SLIT2: variants seen among roughly 807,000 people sequenced by gnomAD.
SLIT2 encodes the protein slit homolog 2 protein.
SLIT2 carries 41 observed loss-of-function variants against 185.7 expected under a neutral mutation model. That is an observed-to-expected ratio of 0.22 (90% CI 0.17 to 0.29). The LOEUF (loss-of-function observed/expected upper bound fraction) is 0.29. SLIT2 is among the 10% of genes least tolerant of loss of function. SLIT2 has a pLI of 1.00. For missense variants in SLIT2, 1,571 were observed against 1,909.0 expected, an observed-to-expected ratio of 0.82 and a Z score of 3.30; for synonymous variants, 693 against 680.2, an observed-to-expected ratio of 1.02 and a Z score of -0.29.
Position 20,374,729 on chromosome 4 carries a change from C to T in SLIT2, c.396-93023C>T, listed in dbSNP as rs1723876721. ...TGCTTTGTCACTTATTTTCCTGTTT[C>T]TTCTGCAGCAGTAAACAGGAAATGC... On this transcript the variant is annotated intron_variant, in intron 4 of 36. Transcript: ENST00000504154. Among the ~76,000 whole-genome samples the T allele has an allele frequency of 3.3e-5, 5 of 151,758 alleles. No homozygotes were observed. The South Asian group carries it at 8.3e-4, about 25-fold the overall frequency.
rs1321962254 is a variant in SLIT2 at position 20,253,515 on chromosome 4, G to T, written c.-301G>T. ...TTCATCCTTGGGAGACAGAAGACGCGTGATCTCCTCTCCGCTGCTCTTGGG... is the reference window on the plus strand; with the variant it reads ...TTCATCCTTGGGAGACAGAAGACGCTTGATCTCCTCTCCGCTGCTCTTGGG... On this transcript the variant is annotated 5_prime_UTR_variant, in exon 1 of 37. Coordinates refer to ENST00000504154, the MANE Select transcript of SLIT2 (RefSeq NM_004787.4). 7.6e-6 allele frequency: 3 copies of T among 394,438 alleles called. No individual in the cohort carries two copies. The highest frequency in any genetic ancestry group is 1.4e-5 in the Non-Finnish European group (3 of 218,912). 24.4% of individuals were successfully genotyped at this position (394,438 alleles called of 1,614,324 possible).
chr4:20,291,456 A>G (rs1236623473), intron 4 of SLIT2, among the ~76,000 whole-genome samples: 1 of 32,702 alleles, frequency 3.1e-5, no homozygotes, highest in Non-Finnish European at 5.3e-5. Context: ...TCATATATAT[A>G]TATATATATA....
At chr4:20,581,221 T>C (rs538673227) in intron 29 of SLIT2, among the ~76,000 whole-genome samples, 6 of 152,302 alleles carry the variant, frequency 3.9e-5, no homozygotes, top group African/African-American at 1.4e-4. Flanking sequence ...CTCCCTGTTT[T>C]TCATATCATC....
intron 3 of SLIT2, among the ~76,000 whole-genome samples, chr4:20,259,032 A>G (rs1038964745): frequency 2.0e-5 from 3 of 151,702 alleles, no homozygotes; most frequent in Non-Finnish European, 4.4e-5. Flanking sequence ...CACCTCAAGT[A>G]AAACACAGAA....
At chr4:20,342,754 C>A (rs7694984) in intron 4 of SLIT2, among the ~76,000 whole-genome samples, 1 of 117,112 alleles carries the variant, frequency 8.5e-6, no homozygotes, top group Non-Finnish European at 1.6e-5. Flanking sequence ...CACAAATACA[C>A]GTTCTAATGT....
chr4:20,533,702 A>C lies in SLIT2; in HGVS notation c.1819A>C (p.Ser607Arg). 3 of 1,611,886 alleles carry C rather than the reference A, an allele frequency of 1.9e-6. No individual in the cohort carries two copies. Among genetic ancestry groups the C allele is most frequent in the Non-Finnish European group, 2.5e-6 (3 of 1,179,416 alleles). Residue 607 changes from serine (S) to arginine (R), a missense_variant, in exon 18 of 37, where the codon AGC becomes CGC. Around this residue, in one of 3 missense-constraint regions of SLIT2, gnomAD observed 1,202 missense variants for 1,416.4 expected, o/e 0.85. Coordinates refer to ENST00000504154, the MANE Select transcript of SLIT2 (RefSeq NM_004787.4). ...VQHKMFKGLE[S>R]LKTLMLRSNR... is the part of the protein sequence containing the mutation. ...GCATAAGATGTTCAAGGGATTGGAAAGCCTCAAAACTTTGTAAGTATTTGT... is the reference window on the plus strand; with the variant it reads ...GCATAAGATGTTCAAGGGATTGGAACGCCTCAAAACTTTGTAAGTATTTGT...
At chr4:20,416,666 T>C (rs538293748) in intron 4 of SLIT2, among the ~76,000 whole-genome samples, 5 of 152,284 alleles carry the variant, frequency 3.3e-5, no homozygotes, top group African/African-American at 1.2e-4. Flanking sequence ...GTGCTTACTC[T>C]GGTGTGCTTT....
rs1321041902 is a variant in SLIT2 at position 20,604,556 on chromosome 4, C to T, written c.3693-5457C>T. Among the ~76,000 whole-genome samples the T allele has an allele frequency of 4.6e-5, 7 of 152,176 alleles. No individual in the cohort carries two copies. In the East Asian group the frequency reaches 1.4e-3, roughly 30 times the overall value. On this transcript the variant is annotated intron_variant, in intron 33 of 36. Transcript: ENST00000504154. ...TAGAGATGGGGTTTCACCATGTTAG[C>T]CAGGATGGTCTCCATTTCCTGACCT...
intron 4 of SLIT2, among the ~76,000 whole-genome samples, chr4:20,292,017 CTATGGCTGAGA>C (rs1221598271): frequency 6.6e-6 from 1 of 151,904 alleles, no homozygotes; most frequent in Non-Finnish European, 1.5e-5. Context: ...TATGGCTGGA[CTATGGCTGAGA>C]TTTGTCTTCA....
chr4:20,596,649 A>G lies in SLIT2; in HGVS notation c.3555A>G (p.Thr1185=), dbSNP rs954853419. 1 of 1,612,174 alleles carries G rather than the reference A, an allele frequency of 6.2e-7. No individual in the cohort carries two copies. The highest frequency in any genetic ancestry group is 1.1e-5 in the South Asian group (1 of 91,036). ...SAKVRPQTNI[T]LQIATDEDSG... is the part of the protein sequence containing the mutation. The stretch of plus-strand genomic sequence containing the variant: ...AGGTTCGGCCTCAGACGAACATAAC[A>G]CTTCAGGTAAGAGATCTCTCTCTAT... Residue 1185 remains threonine (T), a synonymous_variant, in exon 32 of 37, where the codon ACA becomes ACG. Coordinates refer to ENST00000504154, the MANE Select transcript of SLIT2 (RefSeq NM_004787.4).
At chr4:20,568,218 A>G (rs1725265179) in intron 28 of SLIT2, among the ~76,000 whole-genome samples, 1 of 152,114 alleles carries the variant, frequency 6.6e-6, no homozygotes, top group Non-Finnish European at 1.5e-5. Flanking sequence ...ACTTGTTAGA[A>G]TTTCACTTTT....
intron 4 of SLIT2, among the ~76,000 whole-genome samples, chr4:20,346,206 G>T (rs1721397556): frequency 6.6e-6 from 1 of 152,050 alleles, no homozygotes; most frequent in Non-Finnish European, 1.5e-5. Context: ...CTCTTGTCCA[G>T]GCTGGTCTCC....
intron 11 of SLIT2, among the ~76,000 whole-genome samples, chr4:20,518,250 TA>T (rs1478431805): frequency 9.7e-6 from 1 of 102,684 alleles, no homozygotes; most frequent in Non-Finnish European, 2.0e-5. Flanking sequence ...TATATATATA[TA>T]TATATTTTTT....
At chr4:20,417,436 G>GTATATATATATATA (rs367855245) in intron 4 of SLIT2, among the ~76,000 whole-genome samples, 1,269 of 123,606 alleles carry the variant, frequency 0.01, 17 homozygotes, top group Non-Finnish European at 0.017. Context: ...ATGTGTGTGT[G>GTATATATATATATA]TATATATATA....
At chr4:20,256,468 T>C (rs569662372) in intron 1 of SLIT2, among the ~76,000 whole-genome samples, 1 of 152,332 alleles carries the variant, frequency 6.6e-6, no homozygotes, top group African/African-American at 2.4e-5. Context: ...TTTCTTGTCA[T>C]ATGCCAGCAA....
intron 26 of SLIT2, among the ~76,000 whole-genome samples, chr4:20,556,626 A>C (rs1381944281): frequency 6.6e-6 from 1 of 151,982 alleles, no homozygotes; most frequent in Non-Finnish European, 1.5e-5. Context: ...GAGACCCAAC[A>C]ATACTGAAAT....
At chr4:20,383,518 C>A (rs1724696154) in intron 4 of SLIT2, among the ~76,000 whole-genome samples, 1 of 152,046 alleles carries the variant, frequency 6.6e-6, no homozygotes, top group Non-Finnish European at 1.5e-5. Context: ...AATGATATAC[C>A]ACTAAGCACA....
intron 4 of SLIT2, among the ~76,000 whole-genome samples, chr4:20,273,139 A>G (rs529995296): frequency 6.6e-6 from 1 of 152,252 alleles, no homozygotes; most frequent in African/African-American, 2.4e-5. Context: ...CATAACAAAT[A>G]TATATAATTA....
rs576595197 is a variant in SLIT2 at position 20,604,561 on chromosome 4, A to G, written c.3693-5452A>G. On this transcript the variant is annotated intron_variant, in intron 33 of 36. Transcript: ENST00000504154. ...ATGGGGTTTCACCATGTTAGCCAGG[A>G]TGGTCTCCATTTCCTGACCTTGTGA... is the stretch of plus-strand genomic sequence containing the variant. Among the ~76,000 whole-genome samples, 4 of 152,092 alleles carry G rather than the reference A, an allele frequency of 2.6e-5. No individual in the cohort carries two copies. In the South Asian group the frequency reaches 8.3e-4, roughly 32 times the overall value.
Sources: allele counts gnomAD v4.1 joint callset (sites outside exome capture counted in the v4.1 genomes callset), GRCh38; gene constraint gnomAD v4.1.1; regional missense constraint gnomAD v4.1.1; transcripts MANE v1.5; gene names NCBI Gene and HGNC (gene_info 2026-07-23, HGNC 2026-07-21).